The following MYO16 variants were observed in gnomAD, a reference collection of about 807,000 sequenced individuals.
MYO16 encodes the protein myosin XVI, also known as unconventional myosin-XVI.
MYO16 carries 94 observed loss-of-function variants against 205.3 expected under a neutral mutation model. The ratio of observed to expected loss-of-function variants is 0.46; its 90% CI spans 0.39 to 0.54. The LOEUF is 0.54. Ranked by LOEUF, MYO16 falls within the 20% of genes least tolerant of loss-of-function variation. MYO16 has a pLI of 0.00. For synonymous variants in MYO16, 988 were observed against 954.0 expected (o/e 1.04, Z -0.66); for missense variants, 2,315 against 2,387.5 (o/e 0.97, Z 0.63).
chr13:109,182,773 A>T (rs1319978542), intron 34 of MYO16, among the ~76,000 whole-genome samples: 1 of 152,238 alleles, frequency 6.6e-6, no homozygotes, highest in Non-Finnish European at 1.5e-5. Flanking sequence ...ATGTAAAAAA[A>T]ATATAGAAAA....
chr13:108,722,356 A>G (rs1884195049), intron 3 of MYO16, among the ~76,000 whole-genome samples: 1 of 152,184 alleles, frequency 6.6e-6, no homozygotes, highest in Non-Finnish European at 1.5e-5. Context: ...TTACTACATA[A>G]CAATATTATA....
At chr13:108,964,662 G>A in intron 19 of MYO16, 99 bp from the exon 20 acceptor site, 1 of 1,239,422 alleles carries the variant, frequency 8.1e-7, no homozygotes, top group Non-Finnish European at 1.1e-6. Flanking sequence ...CACTTGTCTT[G>A]TGGATGTGTG....
chr13:109,063,377 A>G (rs1162970542), intron 27 of MYO16, among the ~76,000 whole-genome samples: 1 of 152,190 alleles, frequency 6.6e-6, no homozygotes, highest in Non-Finnish European at 1.5e-5. Flanking sequence ...AGACTTCACT[A>G]GTTTGGAGAC....
intron 16 of MYO16, among the ~76,000 whole-genome samples, chr13:108,936,040 C>T (rs1388823406): frequency 6.6e-6 from 1 of 151,460 alleles, no homozygotes; most frequent in African/African-American, 2.4e-5. Flanking sequence ...GCTAGTATTT[C>T]GTTGAGATTT....
At chr13:108,546,107 G>A in the MYO16 span, among the ~76,000 whole-genome samples, 76 of 152,232 alleles carry the variant, frequency 5.0e-4, no homozygotes, top group Non-Finnish European at 1.0e-3. Context: ...TGGGTATAAG[G>A]CCCCCAGTTC....
chr13:108,920,506 T>A (rs950853359), intron 16 of MYO16, among the ~76,000 whole-genome samples: 4 of 152,138 alleles, frequency 2.6e-5, no homozygotes, highest in African/African-American at 7.2e-5. Context: ...TCACCCAGGC[T>A]GGAATGCAAT....
At chr13:108,636,169 T>C (rs1880215281) in intron 1 of MYO16, among the ~76,000 whole-genome samples, 1 of 152,154 alleles carries the variant, frequency 6.6e-6, no homozygotes, top group Non-Finnish European at 1.5e-5. Context: ...CATTGATCCA[T>C]TGATTTAGTT....
chr13:108,759,566 A>G (rs1885528811), intron 4 of MYO16, among the ~76,000 whole-genome samples: 1 of 152,188 alleles, frequency 6.6e-6, no homozygotes, highest in Non-Finnish European at 1.5e-5. Context: ...TCACGCCTGT[A>G]ATCCCAGCAC....
At chr13:108,784,733 A>C (rs1886406596) in intron 4 of MYO16, among the ~76,000 whole-genome samples, 1 of 152,228 alleles carries the variant, frequency 6.6e-6, no homozygotes, top group Non-Finnish European at 1.5e-5. Flanking sequence ...GAACGGGGAA[A>C]ACTTTCCTTT....
At chr13:108,860,359 C>T (rs1594350638) in intron 11 of MYO16, among the ~76,000 whole-genome samples, 1 of 152,174 alleles carries the variant, frequency 6.6e-6, no homozygotes. Context: ...TTTATGGCTG[C>T]ATAGTCCTCT....
At chr13:108,718,436 CG>C (rs1884032837) in intron 3 of MYO16, among the ~76,000 whole-genome samples, 1 of 151,512 alleles carries the variant, frequency 6.6e-6, no homozygotes, top group Non-Finnish European at 1.5e-5. Context: ...GTATTCCACA[CG>C]GGGCCCCCAC....
the MYO16 span, among the ~76,000 whole-genome samples, chr13:108,575,383 C>T: frequency 6.6e-6 from 1 of 152,136 alleles, no homozygotes; most frequent in African/African-American, 2.4e-5. Context: ...TGATAGGTCT[C>T]AGTGTTGCAG....
chr13:108,738,971 T>A (rs1246492893), intron 4 of MYO16, among the ~76,000 whole-genome samples: 2 of 152,196 alleles, frequency 1.3e-5, no homozygotes, highest in Non-Finnish European at 2.9e-5. Flanking sequence ...CCTGCCTTTT[T>A]TTGTTTTCCA....
At chr13:108,674,463 A>G (rs964273912) in intron 2 of MYO16, among the ~76,000 whole-genome samples, 4 of 152,192 alleles carry the variant, frequency 2.6e-5, no homozygotes, top group Non-Finnish European at 5.9e-5. Flanking sequence ...CTGGGCTGGC[A>G]CTGTTTCCAC....
chr13:108,541,884 A>G, the MYO16 span, among the ~76,000 whole-genome samples: 37 of 152,306 alleles, frequency 2.4e-4, no homozygotes, highest in South Asian at 7.7e-3. Context: ...TAGTTCAGCC[A>G]TTGTGGAAAG....
intron 2 of MYO16, among the ~76,000 whole-genome samples, chr13:108,672,476 GT>G (rs1363135405): frequency 6.6e-6 from 1 of 151,802 alleles, no homozygotes; most frequent in Non-Finnish European, 1.5e-5. Flanking sequence ...TATGTCTGTG[GT>G]TTTTTTCATG....
chr13:108,537,252 T>G, the MYO16 span, among the ~76,000 whole-genome samples: 5 of 152,274 alleles, frequency 3.3e-5, no homozygotes, highest in East Asian at 9.7e-4. Context: ...CAAGTGGTAT[T>G]TGATTTTTTG....
At chr13:109,037,573 T>C (rs1886755430) in intron 23 of MYO16, among the ~76,000 whole-genome samples, 1 of 151,816 alleles carries the variant, frequency 6.6e-6, no homozygotes, top group Admixed American at 6.6e-5. Context: ...ATTAGAAACA[T>C]CAATTAGGGA....
chr13:108,649,826 CT>C (rs1317245840), intron 1 of MYO16, among the ~76,000 whole-genome samples: 1 of 152,140 alleles, frequency 6.6e-6, no homozygotes, highest in Non-Finnish European at 1.5e-5. Context: ...GAATTGGTTT[CT>C]GTGTTCTTGC....
Sources: gnomAD v4.1 joint callset for allele counts (sites outside exome capture counted in the v4.1 genomes callset) on GRCh38, gnomAD v4.1.1 for gene constraint, MANE v1.5 for transcripts, NCBI Gene and HGNC (gene_info 2026-07-23, HGNC 2026-07-21) for gene names.